Variants in SMOC2 observed in about 807,000 individuals in gnomAD.
The protein encoded by SMOC2 is SPARC-related modular calcium-binding protein 2.
A neutral mutation model predicts 61.4 loss-of-function variants in SMOC2; 39 were observed. The ratio of observed to expected loss-of-function variants is 0.64; its 90% CI spans 0.49 to 0.83. The LOEUF (loss-of-function observed/expected upper bound fraction) is 0.83. Among genes scored for constraint, SMOC2 ranks in the 40% least tolerant of loss-of-function variants. The pLI is 0.00. For missense variants in SMOC2, 556 were observed against 592.9 expected (o/e 0.94, Z 0.65); for synonymous variants, 247 against 239.9 (o/e 1.03, Z -0.27).
At chr6:168,655,545 A>G (rs943131444) in intron 11 of SMOC2, 11 of 398,074 alleles carry the variant, frequency 2.8e-5, no homozygotes, top group Middle Eastern at 8.7e-4. Context: ...ATACTCCTGC[A>G]TGTGTGTGCT....
At chr6:168,576,346 A>G (rs184268478) in intron 7 of SMOC2, among the ~76,000 whole-genome samples, 18 of 152,224 alleles carry the variant, frequency 1.2e-4, no homozygotes, top group Admixed American at 9.8e-4. Flanking sequence ...GGCTGTATCT[A>G]CTGACATCAG....
intron 1 of SMOC2, among the ~76,000 whole-genome samples, chr6:168,492,912 A>G (rs188342021): frequency 6.6e-6 from 1 of 152,354 alleles, no homozygotes; most frequent in East Asian, 1.9e-4. Context: ...CTGTTTCAGC[A>G]TCACTGCATG....
chr6:168,601,680 T>A (rs1785558144), intron 8 of SMOC2, among the ~76,000 whole-genome samples: 1 of 152,182 alleles, frequency 6.6e-6, no homozygotes, highest in Non-Finnish European at 1.5e-5. Context: ...TGGCAGATGC[T>A]GTTTTACACA....
chr6:168,545,741 G>A (rs1173960872), intron 5 of SMOC2, among the ~76,000 whole-genome samples: 1 of 152,220 alleles, frequency 6.6e-6, no homozygotes, highest in Non-Finnish European at 1.5e-5. Context: ...CCAGTGACTG[G>A]GGAATGGGCT....
In SMOC2 at chr6:168,653,169, T is replaced by A; in HGVS notation, c.1226T>A (p.Leu409Gln). The A allele has an allele frequency of 6.2e-7, 1 of 1,614,098 alleles. No individual in the cohort carries two copies. Among genetic ancestry groups the A allele is most frequent in the Non-Finnish European group, 8.5e-7 (1 of 1,179,996 alleles). ...NNDKSISVQE[L>Q]MGCLGVAKED... is the part of the protein sequence containing the mutation. ...GACAAATCCATCTCCGTACAAGAAC[T>A]GATGGGCTGCCTGGGCGTGGCGAAA... The change falls in exon 11 of 13, where the codon CTG (leucine) becomes CAG (glutamine). Residue 409 changes from leucine (L) to glutamine (Q), a missense_variant. Leu to Gln is a moderately radical substitution (Grantham distance 113, BLOSUM62 -2). Coordinates refer to ENST00000356284, the MANE Select transcript of SMOC2 (RefSeq NM_001166412.2).
chr6:168,592,157 T>A (rs1312640173), intron 7 of SMOC2, among the ~76,000 whole-genome samples: 1 of 152,220 alleles, frequency 6.6e-6, no homozygotes, highest in East Asian at 1.9e-4. Context: ...TGGAGCAGCC[T>A]CTCCTTCCCT....
At chr6:168,579,118 A>G (rs1468693031) in intron 7 of SMOC2, among the ~76,000 whole-genome samples, 1 of 152,250 alleles carries the variant, frequency 6.6e-6, no homozygotes, top group Non-Finnish European at 1.5e-5. Context: ...ATGGCTAGTA[A>G]GAATTCAAAC....
At chr6:168,633,998 C>G (rs180861739) in intron 9 of SMOC2, among the ~76,000 whole-genome samples, 35 of 152,314 alleles carry the variant, frequency 2.3e-4, no homozygotes, top group Non-Finnish European at 4.6e-4. Context: ...TGAACTTCTT[C>G]TTCCTGATGC....
At chr6:168,605,684 A>G (rs557656656) in intron 8 of SMOC2, among the ~76,000 whole-genome samples, 1 of 152,156 alleles carries the variant, frequency 6.6e-6, no homozygotes, top group Non-Finnish European at 1.5e-5. Flanking sequence ...CTTCGAAGCT[A>G]GGAGATTTGG....
intron 12 of SMOC2, among the ~76,000 whole-genome samples, chr6:168,665,897 C>A (rs1583199470): frequency 6.6e-6 from 1 of 151,118 alleles, no homozygotes; most frequent in Non-Finnish European, 1.5e-5. Flanking sequence ...TCTAGGAGAT[C>A]ATATATTGCT....
intron 7 of SMOC2, among the ~76,000 whole-genome samples, chr6:168,595,951 C>G (rs1255992415): frequency 7.9e-5 from 12 of 152,260 alleles, no homozygotes; most frequent in Non-Finnish European, 1.8e-4. Context: ...ATCATCAAAC[C>G]ATAAATTCTG....
chr6:168,523,874 C>T (rs1372947942), intron 2 of SMOC2, among the ~76,000 whole-genome samples: 1 of 152,104 alleles, frequency 6.6e-6, no homozygotes, highest in Non-Finnish European at 1.5e-5. Context: ...TAAGGAGAGA[C>T]ATTTATCATC....
intron 9 of SMOC2, among the ~76,000 whole-genome samples, chr6:168,615,807 TG>T (rs1786072348): frequency 6.6e-6 from 1 of 152,256 alleles, no homozygotes; most frequent in African/African-American, 2.4e-5. Flanking sequence ...AAGCAATTGC[TG>T]GCATAATTAT....
At chr6:168,612,379 G>C (rs55766924) in intron 9 of SMOC2, among the ~76,000 whole-genome samples, 24,854 of 122,084 alleles carry the variant, frequency 0.2, 5,464 homozygotes, top group Middle Eastern at 0.32. Context: ...AGCAGCACTG[G>C]GTTCGTGATC....
chr6:168,502,216 C>G (rs1454345475), intron 1 of SMOC2, among the ~76,000 whole-genome samples: 1 of 152,350 alleles, frequency 6.6e-6, no homozygotes, highest in Middle Eastern at 3.4e-3. Context: ...ATCTTCATAT[C>G]TTTTCCAAAC....
intron 9 of SMOC2, among the ~76,000 whole-genome samples, chr6:168,640,902 C>T (rs980745889): frequency 1.3e-5 from 2 of 152,210 alleles, no homozygotes; most frequent in African/African-American, 4.8e-5. Context: ...TTCAGTGCTT[C>T]CTGGCAGCTG....
intron 1 of SMOC2, among the ~76,000 whole-genome samples, chr6:168,443,790 A>G (rs1187723729): frequency 6.6e-6 from 1 of 152,206 alleles, no homozygotes; most frequent in Non-Finnish European, 1.5e-5. Context: ...ACTTTAATAA[A>G]TCAAGAGGCA....
At chr6:168,522,098 T>C (rs1380081846) in intron 2 of SMOC2, among the ~76,000 whole-genome samples, 1 of 152,228 alleles carries the variant, frequency 6.6e-6, no homozygotes. Flanking sequence ...CCAGCTAAGA[T>C]GTTTTTCTCT....
chr6:168,664,624 T>C (rs1341562859), intron 12 of SMOC2: 3 of 432,942 alleles, frequency 6.9e-6, no homozygotes, highest in Non-Finnish European at 9.5e-6. Flanking sequence ...TCTGCTTCTT[T>C]TGGGGTCCCA....
Sources: gnomAD v4.1 joint callset for allele counts (sites outside exome capture counted in the v4.1 genomes callset) on GRCh38, gnomAD v4.1.1 for gene constraint, MANE v1.5 for transcripts, NCBI Gene and HGNC (gene_info 2026-07-23, HGNC 2026-07-21) for gene names.